ESRRG: variants seen among roughly 807,000 people sequenced by gnomAD.
The protein encoded by ESRRG is estrogen-related receptor gamma.
A neutral mutation model predicts 44.0 loss-of-function variants in ESRRG; 13 were observed. The observed-to-expected ratio is 0.30, with a 90% CI of 0.19 to 0.47. The LOEUF is 0.47. Ranked by LOEUF, ESRRG falls within the 20% of genes least tolerant of loss-of-function variation. The pLI is 1.00. For missense variants in ESRRG, 395 were observed against 580.6 expected, an observed-to-expected ratio of 0.68 and a Z score of 3.29; for synonymous variants, 215 against 214.6, an observed-to-expected ratio of 1.00 and a Z score of -0.02.
At chr1:216,854,226 G>A (rs957725130) in intron 2 of ESRRG, among the ~76,000 whole-genome samples, 35 of 151,712 alleles carry the variant, frequency 2.3e-4, no homozygotes, top group South Asian at 1.0e-3. Context: ...CTGTGGTGGC[G>A]TGTGCCTGTA....
chr1:216,582,459 T>C (rs1373106816), intron 3 of ESRRG, among the ~76,000 whole-genome samples: 2 of 152,222 alleles, frequency 1.3e-5, no homozygotes, highest in Non-Finnish European at 2.9e-5. Flanking sequence ...TCTTTTTTTT[T>C]GAGACAGAGT....
intron 1 of ESRRG, among the ~76,000 whole-genome samples, chr1:217,101,926 C>A (rs1241305640): frequency 1.3e-5 from 2 of 152,194 alleles, no homozygotes; most frequent in African/African-American, 4.8e-5. Flanking sequence ...CCTGCCTCAG[C>A]CTCCCAAGTA....
intron 1 of ESRRG, among the ~76,000 whole-genome samples, chr1:217,011,238 A>G (rs1199570421): frequency 6.6e-6 from 1 of 152,246 alleles, no homozygotes; most frequent in Non-Finnish European, 1.5e-5. Flanking sequence ...AATGTGATTT[A>G]TAAAATCAGT....
At chr1:216,928,500 T>C (rs1285778828) in intron 2 of ESRRG, among the ~76,000 whole-genome samples, 1 of 152,182 alleles carries the variant, frequency 6.6e-6, no homozygotes, top group African/African-American at 2.4e-5. Context: ...ATTGGGAACA[T>C]CTCCTCTTCT....
intron 1 of ESRRG, among the ~76,000 whole-genome samples, chr1:216,703,209 G>A (rs957240477): frequency 6.6e-6 from 1 of 152,098 alleles, no homozygotes; most frequent in Admixed American, 6.5e-5. Context: ...ATGTGCAGGG[G>A]TGTCCAAGCT....
intron 2 of ESRRG, among the ~76,000 whole-genome samples, chr1:216,912,440 G>C (rs1404355842): frequency 6.6e-6 from 1 of 152,048 alleles, no homozygotes; most frequent in East Asian, 1.9e-4. Context: ...GGCAGTAGTA[G>C]GATTCAAATG....
intron 3 of ESRRG, among the ~76,000 whole-genome samples, chr1:216,638,604 G>A (rs528962483): frequency 6.6e-6 from 1 of 152,252 alleles, no homozygotes; most frequent in African/African-American, 2.4e-5. Context: ...GTATGAAACT[G>A]AATATAAACG....
At chr1:216,804,963 A>T (rs752656602) in intron 2 of ESRRG, 1 of 152,228 alleles carries the variant, frequency 6.6e-6, no homozygotes, top group African/African-American at 2.4e-5. Flanking sequence ...TGTGTAATGC[A>T]GCTGTGTATC....
At chr1:216,939,357 A>AAAAAAAAAAAAAAAAAAAAAAAAAAAAC (rs2064778352) in intron 2 of ESRRG, among the ~76,000 whole-genome samples, 1 of 134,740 alleles carries the variant, frequency 7.4e-6, no homozygotes, top group African/African-American at 2.6e-5. Context: ...AAAAAAAAAA[A>AAAAAAAAAAAAAAAAAAAAAAAAAAAAC]AAAAAAAAAA....
intron 2 of ESRRG, among the ~76,000 whole-genome samples, chr1:216,930,056 T>C (rs1427268497): frequency 6.6e-6 from 1 of 152,182 alleles, no homozygotes; most frequent in African/African-American, 2.4e-5. Flanking sequence ...CTCACCACTG[T>C]CCTCACCTCA....
At chr1:216,872,058 A>G (rs1190894478) in intron 2 of ESRRG, among the ~76,000 whole-genome samples, 1 of 152,108 alleles carries the variant, frequency 6.6e-6, no homozygotes, top group African/African-American at 2.4e-5. Flanking sequence ...TTCATTTCTC[A>G]GCAGTATTTT....
intron 2 of ESRRG, among the ~76,000 whole-genome samples, chr1:216,878,455 G>A (rs2096391702): frequency 6.6e-6 from 1 of 152,028 alleles, no homozygotes; most frequent in Non-Finnish European, 1.5e-5. Flanking sequence ...TTATGCCTTT[G>A]AGATTTAAAA....
chr1:216,707,156 C>A (rs549990207), intron 1 of ESRRG, among the ~76,000 whole-genome samples: 7 of 152,176 alleles, frequency 4.6e-5, no homozygotes, highest in African/African-American at 1.7e-4. Flanking sequence ...ACAACATAAA[C>A]CTTCTAGAGT....
At chr1:216,663,275 G>C (rs534719804) in intron 2 of ESRRG, among the ~76,000 whole-genome samples, 58 of 152,242 alleles carry the variant, frequency 3.8e-4, no homozygotes, top group African/African-American at 1.3e-3. Context: ...AAGTACACTT[G>C]AGGACAACAC....
At chr1:217,068,234 G>A (rs1296516949) in intron 1 of ESRRG, among the ~76,000 whole-genome samples, 4 of 152,174 alleles carry the variant, frequency 2.6e-5, no homozygotes, top group African/African-American at 9.7e-5. Flanking sequence ...GCCTTCAGGA[G>A]CCGCTGTGCC....
At chr1:217,074,972 T>C (rs540312308) in intron 1 of ESRRG, among the ~76,000 whole-genome samples, 1 of 152,236 alleles carries the variant, frequency 6.6e-6, no homozygotes, top group African/African-American at 2.4e-5. Context: ...AATACAGTCA[T>C]CTCTCAGTAT....
intron 2 of ESRRG, among the ~76,000 whole-genome samples, chr1:216,875,918 C>T (rs1394566390): frequency 1.3e-5 from 2 of 152,014 alleles, no homozygotes; most frequent in Non-Finnish European, 2.9e-5. Context: ...TTTTTTAAGA[C>T]ACAAACAGCC....
chr1:216,830,964 C>T (rs1053943986), intron 2 of ESRRG, among the ~76,000 whole-genome samples: 1 of 151,628 alleles, frequency 6.6e-6, no homozygotes, highest in Non-Finnish European at 1.5e-5. Flanking sequence ...TACAACTGAA[C>T]TATGAGACAG....
At chr1:216,558,393 T>A (rs1041914604) in intron 5 of ESRRG, among the ~76,000 whole-genome samples, 2 of 151,950 alleles carry the variant, frequency 1.3e-5, no homozygotes, top group Non-Finnish European at 2.9e-5. Context: ...CCATGTAGAA[T>A]AAAATTATGA....
Sources: allele counts gnomAD v4.1 joint callset (sites outside exome capture counted in the v4.1 genomes callset), GRCh38; gene constraint gnomAD v4.1.1; transcripts MANE v1.5; gene names NCBI Gene and HGNC (gene_info 2026-07-23, HGNC 2026-07-21).